The following CSF1R variants were observed in gnomAD, a reference collection of about 807,000 sequenced individuals.
CSF1R encodes macrophage colony-stimulating factor 1 receptor.
CSF1R carries 40 observed loss-of-function variants against 110.0 expected under a neutral mutation model. That is an observed-to-expected ratio of 0.36 (90% confidence interval 0.28 to 0.47). The LOEUF is 0.47. CSF1R is among the 20% of genes least tolerant of loss of function. CSF1R has a pLI of 0.99. For synonymous variants in CSF1R, 523 were observed against 503.4 expected (o/e 1.04, Z -0.52); for missense variants, 1,052 against 1,253.0 (o/e 0.84, Z 2.42).
chr5:150,069,096 C>T (rs1164160908), intron 9 of CSF1R, among the ~76,000 whole-genome samples: 2 of 152,228 alleles, frequency 1.3e-5, no homozygotes, highest in African/African-American at 2.4e-5. Context: ...AATATACAAC[C>T]TCCAGCAGTG....
intron 1 of CSF1R, among the ~76,000 whole-genome samples, chr5:150,100,294 T>TTTTTTG (rs1759365979): frequency 7.9e-6 from 1 of 125,910 alleles, no homozygotes; most frequent in Non-Finnish European, 1.7e-5. Context: ...GCTAACCTTT[T>TTTTTTG]TTTTTTTTTT....
At chr5:150,102,250 A>C (rs942342902) in intron 1 of CSF1R, among the ~76,000 whole-genome samples, 1 of 152,230 alleles carries the variant, frequency 6.6e-6, no homozygotes, top group Non-Finnish European at 1.5e-5. Context: ...CATTCTCACC[A>C]ACAGTGTGTG....
intron 1 of CSF1R, among the ~76,000 whole-genome samples, chr5:150,099,060 A>ATTTTTT (rs58025190): frequency 7.9e-6 from 1 of 126,772 alleles, no homozygotes; most frequent in Non-Finnish European, 1.6e-5. Context: ...CACCCAGCTA[A>ATTTTTT]TTTTTTTTTT....
At chr5:150,070,428 C>G in intron 7 of CSF1R, 28 bp downstream of exon 7, 9 of 1,554,540 alleles carry the variant, frequency 5.8e-6, no homozygotes, top group Non-Finnish European at 6.1e-6. Context: ...GGCCTCCGCC[C>G]CAGGTGGCGC....
intron 12 of CSF1R, 54 bp downstream of exon 12, chr5:150,061,437 A>G: frequency 7.0e-6 from 2 of 285,840 alleles, no homozygotes; most frequent in Non-Finnish European, 1.2e-5. Flanking sequence ...GGGCCAGCCC[A>G]CCCCCAGCAT....
In CSF1R at chr5:150,081,024, C is replaced by G. The variant is rs2113833772; in HGVS notation, c.50G>C (p.Gly17Ala). The change falls in exon 2 of 21, where the codon GGT becomes GCT. Residue 17 changes from glycine (G) to alanine (A), a missense_variant and splice_region_variant. Gly to Ala is a moderately conservative substitution (Grantham distance 60). This residue lies in a region of CSF1R where 693 missense variants were observed against 735.4 expected (regional missense o/e 0.94). Transcript: ENST00000675795. ...GGGCTCTATCACTGGGATTCCCTGA[C>G]CTGGTGGGAGAGAGGGACAGCAGAC... ...LLLLVATAWH[G>A]QGIPVIEPSV... The G allele has an allele frequency of 6.2e-7, 1 of 1,613,800 alleles. No individual in the cohort carries two copies. The highest frequency in any genetic ancestry group is 8.5e-7 in the Non-Finnish European group (1 of 1,179,756).
intron 1 of CSF1R, among the ~76,000 whole-genome samples, chr5:150,099,186 G>A (rs1045903997): frequency 3.3e-5 from 5 of 151,804 alleles, no homozygotes; most frequent in Non-Finnish European, 1.5e-5. Flanking sequence ...GGGATTACAG[G>A]CGTGAGCCAC....
intron 1 of CSF1R, among the ~76,000 whole-genome samples, chr5:150,081,841 G>T (rs1758557416): frequency 6.6e-6 from 1 of 152,204 alleles, no homozygotes; most frequent in South Asian, 2.1e-4. Context: ...AAGAGAACTT[G>T]AAACCCCTAT....
chr5:150,080,464 GTTCAGCGGATGC>G, intron 2 of CSF1R, 128 bp from the exon 3 acceptor site: 1 of 1,267,714 alleles, frequency 7.9e-7, no homozygotes, highest in Non-Finnish European at 1.1e-6. Flanking sequence ...CGCCAGGACA[GTTCAGCGGATGC>G]TTCAGCGTGG....
chr5:150,097,853 A>T (rs1352951142), intron 1 of CSF1R, among the ~76,000 whole-genome samples: 1 of 152,246 alleles, frequency 6.6e-6, no homozygotes, highest in African/African-American at 2.4e-5. Context: ...CAGATTCAAC[A>T]AAGTGCCAAT....
At chr5:150,060,599 G>T (rs1345415152) in intron 13 of CSF1R, among the ~76,000 whole-genome samples, 4 of 152,106 alleles carry the variant, frequency 2.6e-5, no homozygotes, top group Admixed American at 2.6e-4. Context: ...TGGAAGCAGG[G>T]CCTAGGAGCT....
At chr5:150,079,059 T>C (rs192567764) in intron 3 of CSF1R, among the ~76,000 whole-genome samples, 37 of 152,320 alleles carry the variant, frequency 2.4e-4, no homozygotes, top group Admixed American at 2.2e-3. Context: ...TTTATGCCCA[T>C]TGCTGCTGTT....
chr5:150,105,103 C>T (rs984265247), intron 1 of CSF1R, among the ~76,000 whole-genome samples: 4 of 151,788 alleles, frequency 2.6e-5, no homozygotes, highest in African/African-American at 9.7e-5. Context: ...AATCCCAGCA[C>T]TTTGGGAGGC....
At chr5:150,105,397 T>TA (rs1477635034) in intron 1 of CSF1R, among the ~76,000 whole-genome samples, 1 of 134,722 alleles carries the variant, frequency 7.4e-6, no homozygotes, top group African/African-American at 2.8e-5. Flanking sequence ...TTTTTTTTTT[T>TA]AATAGAGGCG....
In CSF1R at chr5:150,055,284, C is replaced by T; in HGVS notation, c.2607G>A (p.Val869=). ...GCTGGGCCATTTGGTATCCATCCTT[C>T]ACCAGTTTATAGAACTTGCTGTTCA... The part of the protein sequence containing the change: ...ILVNSKFYKL[V]KDGYQMAQPA... The change falls in exon 19 of 21, where the codon GTG becomes GTA. Residue 869 remains valine, a synonymous_variant. Transcript: ENST00000675795. The T allele has an allele frequency of 3.7e-6, 6 of 1,614,226 alleles. No homozygotes were observed. The highest frequency in any genetic ancestry group is 5.1e-6 in the Non-Finnish European group (6 of 1,180,034).
At chr5:150,061,105 G>A (rs1470053825) in intron 12 of CSF1R, 133 bp from the exon 13 acceptor site, 6 of 613,378 alleles carry the variant, frequency 9.8e-6, no homozygotes, top group Non-Finnish European at 1.7e-5. Flanking sequence ...GTGACCAGAA[G>A]CCAAAAGAAG....
intron 9 of CSF1R, 58 bp downstream of exon 9, chr5:150,069,815 A>G: frequency 8.5e-7 from 1 of 1,178,672 alleles, no homozygotes; most frequent in South Asian, 1.5e-5. Flanking sequence ...AGCCGCCTAA[A>G]GGAGCAGGGG....
At chr5:150,082,243 C>T (rs572435297) in intron 1 of CSF1R, among the ~76,000 whole-genome samples, 3 of 152,318 alleles carry the variant, frequency 2.0e-5, no homozygotes, top group South Asian at 4.1e-4. Context: ...ACAGGCCAGC[C>T]CCGAGGGCTT....
intron 1 of CSF1R, among the ~76,000 whole-genome samples, chr5:150,108,100 G>A (rs1182684743): frequency 6.6e-6 from 1 of 152,170 alleles, no homozygotes; most frequent in Non-Finnish European, 1.5e-5. Flanking sequence ...AGGAAGGAAT[G>A]TTCCAAGAAG....
Sources: gnomAD v4.1 joint callset for allele counts (sites outside exome capture counted in the v4.1 genomes callset) on GRCh38, gnomAD v4.1.1 for gene constraint, gnomAD v4.1.1 regional missense constraint, MANE v1.5 for transcripts, NCBI Gene and HGNC (gene_info 2026-07-23, HGNC 2026-07-21) for gene names.